Variants in PTPRD observed in about 807,000 individuals in gnomAD.
The protein encoded by PTPRD is protein tyrosine phosphatase receptor type D, also known as receptor-type tyrosine-protein phosphatase delta.
Under a neutral mutation model 214.5 loss-of-function variants are expected in PTPRD, and 34 were observed. The ratio of observed to expected loss-of-function variants is 0.16; its 90% CI spans 0.12 to 0.21. PTPRD has a LOEUF of 0.21. Ranked by LOEUF, PTPRD falls within the 10% of genes least tolerant of loss-of-function variation. PTPRD has a pLI of 1.00. For synonymous variants in PTPRD, 1,128 were observed against 845.7 expected (o/e 1.33, Z -5.79); for missense variants, 2,545 against 2,398.7 (o/e 1.06, Z -1.27).
At chr9:9,212,813 G>A (rs762795410) in intron 9 of PTPRD, among the ~76,000 whole-genome samples, 1 of 152,066 alleles carries the variant, frequency 6.6e-6, no homozygotes, top group Non-Finnish European at 1.5e-5. Flanking sequence ...CCATTACATA[G>A]TTTCTATTTT....
At chr9:8,821,350 C>T (rs894517702) in intron 11 of PTPRD, among the ~76,000 whole-genome samples, 1 of 152,260 alleles carries the variant, frequency 6.6e-6, no homozygotes, top group African/African-American at 2.4e-5. Flanking sequence ...CACTCCTGGA[C>T]TCCTGTTACC....
chr9:10,131,653 T>G (rs1208540881), intron 3 of PTPRD, among the ~76,000 whole-genome samples: 1 of 152,186 alleles, frequency 6.6e-6, no homozygotes, highest in East Asian at 1.9e-4. Context: ...TATTAAGCAC[T>G]TTCTTCATAA....
chr9:9,123,157 A>AACACTAAT (rs2099819218), intron 10 of PTPRD, among the ~76,000 whole-genome samples: 1 of 152,124 alleles, frequency 6.6e-6, no homozygotes, highest in African/African-American at 2.4e-5. Flanking sequence ...TGAACACTGA[A>AACACTAAT]ACACTAATAT....
At chr9:9,363,949 A>T (rs1301079557) in intron 9 of PTPRD, among the ~76,000 whole-genome samples, 1 of 151,406 alleles carries the variant, frequency 6.6e-6, no homozygotes, top group East Asian at 1.9e-4. Context: ...TTTGTAATTC[A>T]TTATATCCCC....
chr9:9,007,190 T>C (rs1306344885), intron 11 of PTPRD, among the ~76,000 whole-genome samples: 1 of 151,830 alleles, frequency 6.6e-6, no homozygotes, highest in Non-Finnish European at 1.5e-5. Context: ...TAGAGGTATA[T>C]GTAGAAATAT....
chr9:10,012,008 A>T (rs2096610354), intron 4 of PTPRD, among the ~76,000 whole-genome samples: 1 of 151,982 alleles, frequency 6.6e-6, no homozygotes. Flanking sequence ...ATCACATTAA[A>T]TCCTTCTTTT....
chr9:8,532,682 A>T (rs1265719231), intron 14 of PTPRD, among the ~76,000 whole-genome samples: 5 of 152,046 alleles, frequency 3.3e-5, no homozygotes, highest in African/African-American at 1.2e-4. Flanking sequence ...TAATTCATCA[A>T]CCATTTAAAT....
At chr9:8,340,573 T>C (rs1461714730) in intron 41 of PTPRD, 104 bp from the exon 42 acceptor site, 4 of 1,140,922 alleles carry the variant, frequency 3.5e-6, no homozygotes, top group African/African-American at 1.5e-5. Flanking sequence ...AACGAAAACA[T>C]ATTATTAATG....
At chr9:9,188,699 G>A (rs2131719672) in intron 9 of PTPRD, among the ~76,000 whole-genome samples, 1 of 152,096 alleles carries the variant, frequency 6.6e-6, no homozygotes, top group Middle Eastern at 3.4e-3. Flanking sequence ...ATTTTCCCTG[G>A]AAGTAGGGAG....
chr9:8,909,304 A>G lies in PTPRD; in HGVS notation c.-104+109393T>C, dbSNP rs2098730627. On this transcript the variant is annotated intron_variant, in intron 11 of 45. Coordinates refer to ENST00000381196, the MANE Select transcript of PTPRD (RefSeq NM_002839.4). ...TACCAGAACCAAACAAAGACATCACATAAAAATAAAACTTTAAAGCAATAT... is the reference window on the plus strand; with the variant it reads ...TACCAGAACCAAACAAAGACATCACGTAAAAATAAAACTTTAAAGCAATAT... Among the ~76,000 whole-genome samples the G allele has an allele frequency of 3.3e-5, 5 of 152,268 alleles. No homozygotes were observed. In the South Asian group the frequency reaches 1.0e-3, roughly 32 times the overall value.
chr9:9,799,644 G>A (rs1037440110), intron 5 of PTPRD: 1 of 152,104 alleles, frequency 6.6e-6, no homozygotes, highest in Non-Finnish European at 1.5e-5. Context: ...AAATTCACAA[G>A]AGACCGAACT....
At chr9:9,011,351 G>A (rs539429069) in intron 11 of PTPRD, among the ~76,000 whole-genome samples, 3 of 152,110 alleles carry the variant, frequency 2.0e-5, no homozygotes, top group South Asian at 4.2e-4. Flanking sequence ...AGAATTAAGT[G>A]GTTATTTGAG....
chr9:8,532,058 C>T (rs1332336217), intron 14 of PTPRD, among the ~76,000 whole-genome samples: 3 of 151,920 alleles, frequency 2.0e-5, no homozygotes, highest in Non-Finnish European at 4.4e-5. Context: ...ATGTAAAGAG[C>T]GTTCCTTTCT....
Position 9,658,104 on chromosome 9 carries a change from A to AT in PTPRD, c.-287+76428dup, listed in dbSNP as rs530137384. On this transcript the variant is annotated intron_variant, in intron 7 of 45. Coordinates refer to ENST00000381196, the MANE Select transcript of PTPRD (RefSeq NM_002839.4). ...TTCTATGTATTACAGGTGCTGTTTT[A>AT]TTTTTTTTATTTAATGAGAGTAATG... 4.3e-4 allele frequency among the ~76,000 whole-genome samples: 66 copies of AT among 151,882 alleles called. 1 individual carries two copies. Among genetic ancestry groups the AT allele is most frequent in the Non-Finnish European group, 5.4e-4 (37 of 67,946 alleles).
chr9:8,649,926 T>A (rs567212941), intron 12 of PTPRD, among the ~76,000 whole-genome samples: 12 of 152,078 alleles, frequency 7.9e-5, no homozygotes, highest in Non-Finnish European at 1.8e-4. Context: ...TTTTAATTTG[T>A]TTTTTTGTTG....
chr9:8,989,550 G>A (rs1266120196), intron 11 of PTPRD, among the ~76,000 whole-genome samples: 1 of 151,888 alleles, frequency 6.6e-6, no homozygotes, highest in Non-Finnish European at 1.5e-5. Flanking sequence ...TTCCTCCTAT[G>A]GCTGAATAAT....
intron 3 of PTPRD, among the ~76,000 whole-genome samples, chr9:10,263,257 G>C (rs916556044): frequency 1.3e-5 from 2 of 152,198 alleles, no homozygotes; most frequent in Admixed American, 6.5e-5. Flanking sequence ...CTTTGGAACT[G>C]AGTAACAGGC....
In PTPRD at chr9:9,119,611, C is replaced by A. The variant is rs532310216; in HGVS notation, c.-143+63693G>T. On this transcript the variant is annotated intron_variant, in intron 10 of 45. Coordinates refer to ENST00000381196, the MANE Select transcript of PTPRD (RefSeq NM_002839.4). ...GTGGCACAATCTCGGCTCACTGCAA[C>A]CTCCCAGGTTCAAGCGATTCTCCTG... Among the ~76,000 whole-genome samples, 17 of 151,818 alleles carry A rather than the reference C, an allele frequency of 1.1e-4. No homozygotes were observed. The South Asian group carries it at 3.3e-3, about 30-fold the overall frequency.
chr9:8,947,631 A>T (rs1270437889), intron 11 of PTPRD, among the ~76,000 whole-genome samples: 1 of 152,084 alleles, frequency 6.6e-6, no homozygotes, highest in Non-Finnish European at 1.5e-5. Context: ...TAGGGTCCAG[A>T]TGAACTCCTA....
Sources: allele counts gnomAD v4.1 joint callset (sites outside exome capture counted in the v4.1 genomes callset), GRCh38; gene constraint gnomAD v4.1.1; transcripts MANE v1.5; gene names NCBI Gene and HGNC (gene_info 2026-07-23, HGNC 2026-07-21).